Variants in A2M observed in about 807,000 individuals in gnomAD.
The protein encoded by A2M is alpha-2-macroglobulin, also known as C3 and PZP-like alpha-2-macroglobulin domain-containing protein 5.
In A2M, 128 loss-of-function variants were observed where a neutral mutation model predicts 183.9. The ratio of observed to expected loss-of-function variants is 0.70; its 90% CI spans 0.60 to 0.81. A2M has a LOEUF of 0.81. Ranked by LOEUF, A2M falls within the 30% of genes least tolerant of loss-of-function variation. The pLI, the probability that A2M is intolerant of heterozygous loss-of-function variation, is 0.00. For synonymous variants in A2M, 592 were observed against 670.8 expected (o/e 0.88, Z 1.81); for missense variants, 1,495 against 1,787.6 (o/e 0.84, Z 2.95).
At chr12:9,097,277 AAC>A (rs111289945) in intron 15 of A2M, among the ~76,000 whole-genome samples, 4 of 145,482 alleles carry the variant, frequency 2.7e-5, no homozygotes, top group African/African-American at 1.0e-4. Flanking sequence ...ACAAGTAAGA[AAC>A]ATTTTTTTAT....
intron 25 of A2M, among the ~76,000 whole-genome samples, chr12:9,078,244 G>A (rs956752385): frequency 1.3e-5 from 2 of 151,008 alleles, no homozygotes; most frequent in Non-Finnish European, 2.9e-5. Flanking sequence ...CCCTGTGTCC[G>A]TGTGTTCTCA....
At chr12:9,116,053 C>A, upstream of A2M, 1 of 592,894 alleles carries the variant, frequency 1.7e-6, no homozygotes, top group Non-Finnish European at 3.1e-6. Flanking sequence ...TATTTATAGT[C>A]AAGGTTAATT....
intron 9 of A2M, 55 bp from the exon 10 acceptor site, chr12:9,106,400 T>A (rs1308221898): frequency 2.1e-6 from 3 of 1,457,484 alleles, no homozygotes; most frequent in Non-Finnish European, 2.9e-6. Context: ...TCTCTAAAAT[T>A]CTATCACCTC....
intron 5 of A2M, 51 bp from the exon 6 acceptor site, chr12:9,110,086 C>A: frequency 6.4e-7 from 1 of 1,550,562 alleles, no homozygotes; most frequent in Non-Finnish European, 8.7e-7. Context: ...AGCATTGGAG[C>A]TAATAAAAGA....
intron 15 of A2M, 157 bp downstream of exon 15, chr12:9,098,450 A>ATAT: frequency 2.0e-6 from 1 of 497,072 alleles, no homozygotes; most frequent in Non-Finnish European, 3.1e-6. Flanking sequence ...ATATATATAT[A>ATAT]ATTCCTTACC....
At chr12:9,070,610 T>C (rs774961693) in intron 31 of A2M, 32 bp from the exon 32 acceptor site, 1 of 1,477,514 alleles carries the variant, frequency 6.8e-7, no homozygotes, top group Non-Finnish European at 9.4e-7. Context: ...GGATTAGGGT[T>C]TTCTGTGTTT....
At position 9,115,759 on chromosome 12, in the gene A2M, C is replaced by T. The variant is rs1003330681; in HGVS notation, c.86+5G>A. On this transcript the variant is annotated splice_donor_5th_base_variant and intron_variant, in intron 1 of 35. Transcript: ENST00000318602. ...CATGCTTCACGCTCTCTGTGTGGAA[C>T]TCACGGTTTTCCAGAGACTGAGGCG... is the stretch of plus-strand genomic sequence containing the variant. The T allele has an allele frequency of 5.6e-6, 9 of 1,609,102 alleles. No homozygotes were observed. The highest frequency in any genetic ancestry group is 6.8e-6 in the Non-Finnish European group (8 of 1,175,656).
At chr12:9,084,710 T>G (rs1173019045) in intron 22 of A2M, among the ~76,000 whole-genome samples, 1 of 151,830 alleles carries the variant, frequency 6.6e-6, no homozygotes, top group Non-Finnish European at 1.5e-5. Flanking sequence ...TGGACTAAAT[T>G]CCCCATTTAA....
At chr12:9,114,639 T>C (rs930902372) in intron 1 of A2M, among the ~76,000 whole-genome samples, 7 of 152,058 alleles carry the variant, frequency 4.6e-5, no homozygotes, top group Non-Finnish European at 1.0e-4. Context: ...CAAAAAATGT[T>C]GTGAATTATT....
chr12:9,109,087 A>T (rs1453092438), intron 7 of A2M, among the ~76,000 whole-genome samples: 1 of 152,162 alleles, frequency 6.6e-6, no homozygotes, highest in Admixed American at 6.5e-5. Flanking sequence ...TCCTATTAGC[A>T]TAACCTCTCT....
Position 9,067,716 on chromosome 12 carries a change from C to T in A2M, c.*107G>A. The T allele has an allele frequency of 1.1e-6, 1 of 936,314 alleles. No individual in the cohort carries two copies. Among genetic ancestry groups the T allele is most frequent in the Non-Finnish European group, 1.7e-6 (1 of 582,380 alleles). The allele number at this position is 936,314 out of a possible 1,614,324, so 58.0% of individuals were successfully genotyped here. ...AACAGGAAACAGGGAAAGACATTGACCAGAAAAAGTGTTTATTCATCAAGT... is the reference window on the plus strand; with the variant it reads ...AACAGGAAACAGGGAAAGACATTGATCAGAAAAAGTGTTTATTCATCAAGT... On this transcript the variant is annotated 3_prime_UTR_variant, in exon 36 of 36. Transcript: ENST00000318602.
intron 4 of A2M, 59 bp downstream of exon 4, chr12:9,112,100 A>T: frequency 6.4e-7 from 1 of 1,568,126 alleles, no homozygotes. Context: ...CAGCACAAAA[A>T]ACAGGTTCCC....
At chr12:9,093,614 C>A in intron 17 of A2M, 35 bp from the exon 18 acceptor site, 2 of 1,206,524 alleles carry the variant, frequency 1.7e-6, no homozygotes, top group Non-Finnish European at 2.3e-6. Flanking sequence ...TTACAATAAA[C>A]ATACAGATAA....
intron 15 of A2M, among the ~76,000 whole-genome samples, chr12:9,096,485 T>C (rs1949384729): frequency 6.6e-6 from 1 of 152,152 alleles, no homozygotes; most frequent in African/African-American, 2.4e-5. Context: ...GAATATCCTC[T>C]CTCCACAGGA....
intron 2 of A2M, 123 bp downstream of exon 2, chr12:9,113,237 G>C: frequency 1.1e-6 from 1 of 949,044 alleles, no homozygotes; most frequent in African/African-American, 1.7e-5. Flanking sequence ...TACTTAGTTT[G>C]CTACATTTGG....
In A2M at chr12:9,077,334, GGTGGTACCTACA is replaced by G; in HGVS notation, c.3351_3351+11del. On this transcript the variant is annotated splice_donor_variant and splice_donor_5th_base_variant and coding_sequence_variant and intron_variant, in exon 27 of 36. Coordinates refer to ENST00000318602, the MANE Select transcript of A2M (RefSeq NM_000014.6). LOFTEE classifies it high-confidence loss of function. ...GAACTCTCCTTCAGCAGAGGAATGGGGTGGTACCTACAGTGACTGTGAGAGGAATCTCCAGAA... is the reference window on the plus strand; with the variant it reads ...GAACTCTCCTTCAGCAGAGGAATGGGGTGACTGTGAGAGGAATCTCCAGAA... The G allele has an allele frequency of 6.2e-7, 1 of 1,609,472 alleles. No homozygotes were observed. The highest frequency in any genetic ancestry group is 8.5e-7 in the Non-Finnish European group (1 of 1,176,534).
intron 31 of A2M, among the ~76,000 whole-genome samples, chr12:9,071,207 T>C (rs1451734588): frequency 1.3e-5 from 2 of 152,134 alleles, no homozygotes; most frequent in Non-Finnish European, 1.5e-5. Context: ...TTTATTTGTT[T>C]ACTTTTATTT....
chr12:9,076,151 A>G (rs1592335438), intron 28 of A2M, among the ~76,000 whole-genome samples: 1 of 152,334 alleles, frequency 6.6e-6, no homozygotes, highest in African/African-American at 2.4e-5. Flanking sequence ...AGTTACTTCC[A>G]TGATTATTTT....
intron 27 of A2M, 93 bp downstream of exon 27, chr12:9,077,253 T>A: frequency 8.3e-7 from 1 of 1,203,942 alleles, no homozygotes; most frequent in African/African-American, 1.5e-5. Flanking sequence ...AAGCTGATGC[T>A]TTGCTTTTAA....
Sources: allele counts gnomAD v4.1 joint callset (sites outside exome capture counted in the v4.1 genomes callset), GRCh38; gene constraint gnomAD v4.1.1; transcripts MANE v1.5; gene names NCBI Gene and HGNC (gene_info 2026-07-23, HGNC 2026-07-21).